Variants in NR3C1 observed in about 807,000 individuals in gnomAD.
NR3C1 encodes the protein glucocorticoid receptor.
A neutral mutation model predicts 74.0 loss-of-function variants in NR3C1; 14 were observed. That is an observed-to-expected ratio of 0.19 (90% CI 0.12 to 0.30). The LOEUF is 0.30. Ranked by LOEUF, NR3C1 falls within the 10% of genes least tolerant of loss-of-function variation. The pLI is 1.00. For synonymous variants in NR3C1, 308 were observed against 332.5 expected (o/e 0.93, Z 0.80); for missense variants, 695 against 909.8 (o/e 0.76, Z 3.04).
Position 143,281,578 on chromosome 5 carries a change from G to A in NR3C1, c.*311C>T. ...TTCATCACACAGACTTTGGGCACTG[G>A]TGGTTTAGGTGCCATCCTTCTTTGA... On this transcript the variant is annotated 3_prime_UTR_variant, in exon 9 of 9. Transcript: ENST00000394464. 2 of 304,038 alleles carry A rather than the reference G, an allele frequency of 6.6e-6. No homozygotes were observed. Among genetic ancestry groups the A allele is most frequent in the East Asian group, 8.4e-5 (1 of 11,876 alleles). The allele number at this position is 304,038 out of a possible 1,614,324, so 18.8% of individuals were successfully genotyped here. A position where few individuals can be genotyped will look rare whatever the true frequency, so the allele number is the denominator to read the frequency against.
Position 143,426,919 on chromosome 5 carries a change from C to T in NR3C1, c.-14+7613G>A, listed in dbSNP as rs147724886. Among the ~76,000 whole-genome samples, 36 of 152,290 alleles carry T rather than the reference C, an allele frequency of 2.4e-4. No individual in the cohort carries two copies. In the East Asian group the frequency reaches 4.0e-3, roughly 17 times the overall value. On this transcript the variant is annotated intron_variant, in intron 1 of 8. Coordinates refer to the NR3C1 transcript ENST00000343796. Reference sequence around the variant, plus strand: ...TCCCTTTTTCTTAAATGTGCTTTTACGAAGTTTATCCCTTGGGAGGACCAC... The same window carrying T: ...TCCCTTTTTCTTAAATGTGCTTTTATGAAGTTTATCCCTTGGGAGGACCAC...
At chr5:143,291,666 A>ATGTT (rs1179196255) in intron 7 of NR3C1, among the ~76,000 whole-genome samples, 6 of 152,154 alleles carry the variant, frequency 3.9e-5, no homozygotes, top group Non-Finnish European at 7.4e-5. Flanking sequence ...AATGTCTACT[A>ATGTT]TGTTTATATT....
At chr5:143,429,777 C>T (rs1344807410) in intron 1 of NR3C1, among the ~76,000 whole-genome samples, 1 of 152,086 alleles carries the variant, frequency 6.6e-6, no homozygotes, top group Non-Finnish European at 1.5e-5. Context: ...TAAGATGATG[C>T]CATCAAAAAT....
chr5:143,316,227 G>A (rs1049731936), intron 2 of NR3C1, among the ~76,000 whole-genome samples: 5 of 152,100 alleles, frequency 3.3e-5, no homozygotes, highest in Admixed American at 6.6e-5. Context: ...TGAATGGTGC[G>A]ACAATGTGTT....
At chr5:143,386,606 G>T (rs1208418649) in intron 2 of NR3C1, among the ~76,000 whole-genome samples, 2 of 152,102 alleles carry the variant, frequency 1.3e-5, no homozygotes, top group African/African-American at 2.4e-5. Flanking sequence ...TGGAGGATAA[G>T]GGGAGATGTG....
chr5:143,414,719 G>A (rs1195670089), intron 1 of NR3C1, among the ~76,000 whole-genome samples: 5 of 152,062 alleles, frequency 3.3e-5, no homozygotes, highest in Non-Finnish European at 7.4e-5. Flanking sequence ...CCCAGTTCAA[G>A]TTCTTTCTGG....
In NR3C1 at chr5:143,403,614, A is replaced by C. The variant is rs1600646647; in HGVS notation, c.-417T>G. 2.0e-6 allele frequency: 2 copies of C among 986,222 alleles called. No homozygotes were observed. Among genetic ancestry groups the C allele is most frequent in the Non-Finnish European group, 2.4e-6 (2 of 830,770 alleles). The allele number at this position is 986,222 out of a possible 1,614,324, so 61.1% of individuals were successfully genotyped here. On this transcript the variant is annotated 5_prime_UTR_variant, in exon 1 of 9. Coordinates refer to ENST00000394464, the MANE Select transcript of NR3C1 (RefSeq NM_000176.3). ...GAGGAGGCGGCGGCGGAGGGAAGAG[A>C]GCGCGGACACGCGAAAGGGCAGCCC...
At chr5:143,374,870 G>C (rs1049500754) in intron 2 of NR3C1, among the ~76,000 whole-genome samples, 1 of 152,110 alleles carries the variant, frequency 6.6e-6, no homozygotes, top group African/African-American at 2.4e-5. Flanking sequence ...ACACATACAT[G>C]CACTCACATG....
At chr5:143,406,795 G>C (rs28635164), upstream of NR3C1, among the ~76,000 whole-genome samples, 661 of 152,310 alleles carry the variant, frequency 4.3e-3, 2 homozygotes, top group African/African-American at 0.015. Context: ...TCATTAACAT[G>C]AAGTAGTATA....
intron 2 of NR3C1, among the ~76,000 whole-genome samples, chr5:143,367,611 T>G (rs1169361695): frequency 6.6e-6 from 1 of 152,132 alleles, no homozygotes; most frequent in Admixed American, 6.5e-5. Flanking sequence ...TCAGTAGCAA[T>G]GAACAATCTT....
intron 2 of NR3C1, among the ~76,000 whole-genome samples, chr5:143,354,732 G>A (rs568477297): frequency 9.9e-5 from 15 of 152,032 alleles, no homozygotes; most frequent in Non-Finnish European, 1.8e-4. Context: ...AGACCAGCCT[G>A]GCCAACATGG....
chr5:143,381,659 G>A (rs1323508831), intron 2 of NR3C1, among the ~76,000 whole-genome samples: 1 of 152,044 alleles, frequency 6.6e-6, no homozygotes, highest in African/African-American at 2.4e-5. Context: ...TTCAGCAAAG[G>A]TGCCAAGAAC....
At chr5:143,317,320 G>C (rs1053107462) in intron 2 of NR3C1, among the ~76,000 whole-genome samples, 1 of 152,130 alleles carries the variant, frequency 6.6e-6, no homozygotes, top group Non-Finnish European at 1.5e-5. Flanking sequence ...ACCATAGTAA[G>C]AGTGCATATT....
chr5:143,416,401 A>G (rs1841477905), intron 1 of NR3C1, among the ~76,000 whole-genome samples: 1 of 151,978 alleles, frequency 6.6e-6, no homozygotes, highest in Admixed American at 6.6e-5. Context: ...AGCTGATACG[A>G]TGCAAGCTTG....
At chr5:143,404,294 C>A (rs1019759941), upstream of NR3C1, 3 of 985,514 alleles carry the variant, frequency 3.0e-6, no homozygotes, top group Non-Finnish European at 3.6e-6. Flanking sequence ...GTCTCGGCCG[C>A]GCTCGGGGCC....
chr5:143,418,739 G>T (rs1751054111), intron 1 of NR3C1, among the ~76,000 whole-genome samples: 1 of 152,160 alleles, frequency 6.6e-6, no homozygotes, highest in South Asian at 2.1e-4. Context: ...TGGCAGGCAG[G>T]TAGACATAAG....
At chr5:143,283,758 T>C (rs1025846401) in intron 7 of NR3C1, among the ~76,000 whole-genome samples, 1 of 152,210 alleles carries the variant, frequency 6.6e-6, no homozygotes, top group Non-Finnish European at 1.5e-5. Flanking sequence ...GGGTTAATCA[T>C]GGTTTCACTT....
chr5:143,290,476 A>G (rs1204833005), intron 7 of NR3C1, among the ~76,000 whole-genome samples: 4 of 152,238 alleles, frequency 2.6e-5, no homozygotes, highest in African/African-American at 9.6e-5. Context: ...CAGCCTTTCA[A>G]TATCTTTATT....
At chr5:143,379,532 C>G (rs1048825896) in intron 2 of NR3C1, among the ~76,000 whole-genome samples, 2 of 151,936 alleles carry the variant, frequency 1.3e-5, no homozygotes, top group African/African-American at 2.4e-5. Context: ...TGTGACAAAT[C>G]GCAAAAAAAT....
Sources: allele counts gnomAD v4.1 joint callset (sites outside exome capture counted in the v4.1 genomes callset), GRCh38; gene constraint gnomAD v4.1.1; transcripts MANE v1.5; gene names NCBI Gene and HGNC (gene_info 2026-07-23, HGNC 2026-07-21).